RANBP17: variants seen among roughly 807,000 people sequenced by gnomAD.
The protein encoded by RANBP17 is ran-binding protein 17.
A neutral mutation model predicts 141.2 loss-of-function variants in RANBP17; 158 were observed. That is an observed-to-expected ratio of 1.12 (90% CI 0.98 to 1.28). RANBP17 has a LOEUF of 1.28. Ranked by LOEUF, RANBP17 falls within the 50% of genes most tolerant of loss-of-function variation. The pLI, the probability that RANBP17 is intolerant of heterozygous loss-of-function variation, is 0.00. For synonymous variants in RANBP17, 430 were observed against 450.0 expected, an observed-to-expected ratio of 0.96 and a Z score of 0.56; for missense variants, 1,438 against 1,290.7, an observed-to-expected ratio of 1.11 and a Z score of -1.75.
At chr5:170,990,515 C>T (rs1311921599) in intron 14 of RANBP17, among the ~76,000 whole-genome samples, 1 of 151,836 alleles carries the variant, frequency 6.6e-6, no homozygotes, top group Non-Finnish European at 1.5e-5. Flanking sequence ...AATAAGGCTT[C>T]TTTAGTGTCC....
intron 24 of RANBP17, among the ~76,000 whole-genome samples, chr5:171,254,696 GT>G (rs1318038715): frequency 1.3e-5 from 2 of 152,142 alleles, no homozygotes; most frequent in Non-Finnish European, 2.9e-5. Context: ...CCATGCATTA[GT>G]AAGTTGTCTG....
At chr5:171,245,859 T>G (rs915449157) in intron 24 of RANBP17, among the ~76,000 whole-genome samples, 1 of 151,826 alleles carries the variant, frequency 6.6e-6, no homozygotes, top group East Asian at 1.9e-4. Context: ...TACCCAGCCT[T>G]GGGAGTTTCT....
intron 14 of RANBP17, among the ~76,000 whole-genome samples, chr5:171,062,633 G>T (rs1387403140): frequency 1.3e-5 from 2 of 152,032 alleles, no homozygotes; most frequent in African/African-American, 4.8e-5. Context: ...TGACAATTAT[G>T]TGTCTTGGAG....
chr5:170,934,032 T>C (rs1773643092), intron 12 of RANBP17, among the ~76,000 whole-genome samples: 1 of 152,178 alleles, frequency 6.6e-6, no homozygotes, highest in African/African-American at 2.4e-5. Context: ...TCTCCCATTA[T>C]TATTGTACGG....
chr5:170,936,171 C>T (rs138524602), intron 12 of RANBP17, among the ~76,000 whole-genome samples: 4,610 of 152,184 alleles, frequency 0.03, 236 homozygotes, highest in African/African-American at 0.1. Context: ...GAGAGTGTCC[C>T]GATTTTCCAG....
chr5:171,153,883 C>T (rs933047224), intron 14 of RANBP17, among the ~76,000 whole-genome samples: 1 of 151,838 alleles, frequency 6.6e-6, no homozygotes, highest in East Asian at 1.9e-4. Flanking sequence ...CAAAATTAGC[C>T]AGGCATGGTG....
intron 12 of RANBP17, among the ~76,000 whole-genome samples, chr5:170,942,888 A>G (rs1774439995): frequency 6.6e-6 from 1 of 152,222 alleles, no homozygotes; most frequent in South Asian, 2.1e-4. Context: ...TTGAAATGTA[A>G]TAATTTAGTG....
At chr5:171,124,105 A>G (rs996909601) in intron 14 of RANBP17, among the ~76,000 whole-genome samples, 1 of 152,180 alleles carries the variant, frequency 6.6e-6, no homozygotes, top group African/African-American at 2.4e-5. Context: ...CAGGTAAACA[A>G]TAACAAGAAA....
intron 14 of RANBP17, among the ~76,000 whole-genome samples, chr5:171,108,054 G>A (rs564173329): frequency 9.0e-4 from 137 of 152,278 alleles, no homozygotes; most frequent in Non-Finnish European, 1.4e-3. Flanking sequence ...GGTTAGAGTC[G>A]ATTGATATTC....
intron 12 of RANBP17, among the ~76,000 whole-genome samples, chr5:170,938,294 A>G (rs1227921647): frequency 6.6e-6 from 1 of 152,230 alleles, no homozygotes; most frequent in African/African-American, 2.4e-5. Context: ...AAATTGGTAG[A>G]TACCCTGGCT....
intron 13 of RANBP17, among the ~76,000 whole-genome samples, chr5:170,955,681 T>TATATATATATATATACACAC (rs769742239): frequency 2.6e-5 from 1 of 39,064 alleles, no homozygotes; most frequent in African/African-American, 7.6e-5. Context: ...TATATATATA[T>TATATATATATATATACACAC]ACACTGAATG....
Position 171,299,259 on chromosome 5 carries a change from G to A in RANBP17, c.*401G>A, listed in dbSNP as rs952372382. On this transcript the variant is annotated 3_prime_UTR_variant, in exon 28 of 28. Transcript: ENST00000523189. Reference sequence around the variant, plus strand: ...GCCTTCACCATGGATCCTGGATTGAGACGAATGCCATTGGAACCTGTTAAA... The same window carrying A: ...GCCTTCACCATGGATCCTGGATTGAAACGAATGCCATTGGAACCTGTTAAA... 4.1e-6 allele frequency: 1 copy of A among 244,770 alleles called. No homozygotes were observed. The highest frequency in any genetic ancestry group is 2.2e-5 in the African/African-American group (1 of 45,542). The allele number at this position is 244,770 out of a possible 1,614,324, so 15.2% of individuals were successfully genotyped here.
intron 5 of RANBP17, chr5:170,903,696 T>G: frequency 3.3e-6 from 1 of 305,096 alleles, no homozygotes; most frequent in Non-Finnish European, 6.8e-6. Context: ...CCATTGACAG[T>G]CTTTATTTGA....
At chr5:170,911,726 T>A (rs1188035807) in intron 7 of RANBP17, among the ~76,000 whole-genome samples, 1 of 151,898 alleles carries the variant, frequency 6.6e-6, no homozygotes, top group Non-Finnish European at 1.5e-5. Flanking sequence ...TGTCAACATA[T>A]CTTTCAGGGT....
At chr5:171,214,748 T>C (rs1284022736) in intron 21 of RANBP17, among the ~76,000 whole-genome samples, 1 of 152,178 alleles carries the variant, frequency 6.6e-6, no homozygotes, top group Non-Finnish European at 1.5e-5. Flanking sequence ...ATTAAAAATT[T>C]AGTTTGCTTT....
intron 14 of RANBP17, among the ~76,000 whole-genome samples, chr5:171,121,401 G>A (rs1048148351): frequency 2.6e-5 from 4 of 152,222 alleles, no homozygotes; most frequent in Admixed American, 6.5e-5. Flanking sequence ...GAGCGCCTGC[G>A]GAGCTGTTTC....
intron 18 of RANBP17, among the ~76,000 whole-genome samples, chr5:171,197,536 C>G (rs1221631335): frequency 6.6e-6 from 1 of 152,202 alleles, no homozygotes; most frequent in African/African-American, 2.4e-5. Context: ...TACACAGTCT[C>G]AGTGCCATAG....
intron 14 of RANBP17, among the ~76,000 whole-genome samples, chr5:170,991,176 A>G (rs956951473): frequency 1.3e-5 from 2 of 151,954 alleles, no homozygotes; most frequent in Admixed American, 1.3e-4. Flanking sequence ...AAAATTATTA[A>G]GTAGCTTTAT....
chr5:171,184,349 G>A (rs1462606275), intron 18 of RANBP17, among the ~76,000 whole-genome samples: 2 of 152,186 alleles, frequency 1.3e-5, no homozygotes, highest in Non-Finnish European at 2.9e-5. Context: ...GATGAACCTG[G>A]AGGGTACTAT....
Sources: allele counts gnomAD v4.1 joint callset (sites outside exome capture counted in the v4.1 genomes callset), GRCh38; gene constraint gnomAD v4.1.1; transcripts MANE v1.5; gene names NCBI Gene and HGNC (gene_info 2026-07-23, HGNC 2026-07-21).